Variants in JCAD observed in about 807,000 individuals in gnomAD.
JCAD encodes the protein junctional cadherin 5 associated.
In JCAD, 40 loss-of-function variants were observed where a neutral mutation model predicts 98.0. The ratio of observed to expected loss-of-function variants is 0.41; its 90% CI spans 0.32 to 0.53. The LOEUF is 0.53. JCAD is among the 20% of genes least tolerant of loss of function. The pLI is 0.31. For synonymous variants in JCAD, 691 were observed against 682.3 expected, an observed-to-expected ratio of 1.01 and a Z score of -0.20; for missense variants, 1,705 against 1,738.1, an observed-to-expected ratio of 0.98 and a Z score of 0.34.
At chr10:30,102,326 C>T (rs1323362220) in intron 1 of JCAD, among the ~76,000 whole-genome samples, 1 of 151,936 alleles carries the variant, frequency 6.6e-6, no homozygotes, top group Non-Finnish European at 1.5e-5. Flanking sequence ...TGCTTACCAC[C>T]ATGTCCGGCT....
intron 2 of JCAD, among the ~76,000 whole-genome samples, chr10:30,042,050 C>T (rs552167602): frequency 3.2e-4 from 48 of 152,176 alleles, no homozygotes; most frequent in African/African-American, 1.0e-3. Flanking sequence ...TCCTGGACCA[C>T]GTCAGTGCCT....
At chr10:30,041,915 T>C (rs1198538059) in intron 2 of JCAD, among the ~76,000 whole-genome samples, 1 of 152,254 alleles carries the variant, frequency 6.6e-6, no homozygotes, top group East Asian at 1.9e-4. Context: ...ATTTTAAGCA[T>C]GCAGTTTCCT....
In JCAD at chr10:30,029,074, C is replaced by T; in HGVS notation, c.1074G>A (p.Leu358=). ...SPPQNIPNPY[L]EDTVPINVCG... ...ACACATTTATGGGCACCGTGTCTTC[C>T]AAGTAGGGGTTTGGGATGTTCTGCG... Residue 358 remains leucine, a synonymous_variant, in exon 3 of 4, where the codon TTG becomes TTA. Coordinates refer to ENST00000375377, the MANE Select transcript of JCAD (RefSeq NM_020848.4). The T allele has an allele frequency of 1.9e-6, 3 of 1,614,080 alleles. No individual in the cohort carries two copies. The highest frequency in any genetic ancestry group is 1.7e-6 in the Non-Finnish European group (2 of 1,180,014).
intron 1 of JCAD, among the ~76,000 whole-genome samples, chr10:30,112,698 C>T (rs1269956906): frequency 6.6e-6 from 1 of 151,678 alleles, no homozygotes; most frequent in African/African-American, 2.4e-5. Context: ...ATGATGAAAC[C>T]CCATCTCTAT....
intron 2 of JCAD, among the ~76,000 whole-genome samples, chr10:30,037,934 TAAAAAAAAA>T (rs57504197): frequency 9.1e-6 from 1 of 109,330 alleles, no homozygotes; most frequent in African/African-American, 3.4e-5. Context: ...ATGGAAAAAT[TAAAAAAAAA>T]AAAAAAAAAA....
chr10:30,105,403 A>C (rs1838556551), intron 1 of JCAD, among the ~76,000 whole-genome samples: 1 of 148,090 alleles, frequency 6.8e-6, no homozygotes, highest in South Asian at 2.1e-4. Context: ...TGCTCACTGC[A>C]ACCTCTGCTT....
chr10:30,041,005 G>A (rs981204932), intron 2 of JCAD, among the ~76,000 whole-genome samples: 6 of 152,036 alleles, frequency 3.9e-5, no homozygotes, highest in African/African-American at 1.2e-4. Flanking sequence ...TGAGGCCCTC[G>A]GCAGTGCTGC....
In JCAD at chr10:30,064,891, C is replaced by T. The variant is rs551838970; in HGVS notation, n.250+4809G>A. Among the ~76,000 whole-genome samples, 6 of 152,278 alleles carry T rather than the reference C, an allele frequency of 3.9e-5. No homozygotes were observed. The South Asian group carries it at 1.2e-3, about 32-fold the overall frequency. ...TTCACCATGTTGGTCAGGCTGGTCT[C>T]GAACTCCTGACCTCGTGATCCACCC... On this transcript the variant is annotated intron_variant and non_coding_transcript_variant, in intron 2 of 2. Coordinates refer to the JCAD transcript ENST00000465712.
chr10:30,082,969 G>A (rs538277122), intron 1 of JCAD, among the ~76,000 whole-genome samples: 2 of 151,830 alleles, frequency 1.3e-5, no homozygotes, highest in Non-Finnish European at 2.9e-5. Context: ...AGGAGGCAGA[G>A]GTTGCATTGA....
intron 2 of JCAD, among the ~76,000 whole-genome samples, chr10:30,065,796 C>T (rs1837775150): frequency 6.6e-6 from 1 of 152,168 alleles, no homozygotes; most frequent in Admixed American, 6.6e-5. Context: ...CCACCATGCC[C>T]AGCCCTGCAT....
chr10:30,106,224 A>G (rs1838577871), intron 1 of JCAD, among the ~76,000 whole-genome samples: 1 of 152,112 alleles, frequency 6.6e-6, no homozygotes, highest in Non-Finnish European at 1.5e-5. Context: ...GGAGTTCAAG[A>G]TCAGTCTGGG....
chr10:30,033,092 C>G (rs1837036646), intron 2 of JCAD, among the ~76,000 whole-genome samples: 1 of 152,208 alleles, frequency 6.6e-6, no homozygotes, highest in South Asian at 2.1e-4. Context: ...GATAAGAAAA[C>G]TGAGGCACAG....
chr10:30,014,393 G>T lies in JCAD; in HGVS notation c.*3490C>A, dbSNP rs1056611151. The stretch of plus-strand genomic sequence containing the variant: ...TAAAGTAATTGCTTCTAAGAACTTA[G>T]GACATGGGAAATGTTTCTCTAAGCT... On this transcript the variant is annotated 3_prime_UTR_variant, in exon 4 of 4. Transcript: ENST00000375377. The T allele has an allele frequency of 3.3e-5, 5 of 152,140 alleles. No homozygotes were observed. Among genetic ancestry groups the T allele is most frequent in the Non-Finnish European group, 5.9e-5 (4 of 68,024 alleles). 9.4% of individuals were successfully genotyped at this position (152,140 alleles called of 1,614,324 possible).
At chr10:30,075,070 A>G (rs1837959126) in intron 1 of JCAD, among the ~76,000 whole-genome samples, 2 of 152,234 alleles carry the variant, frequency 1.3e-5, no homozygotes, top group African/African-American at 4.8e-5. Flanking sequence ...GATTACAGGC[A>G]TGAGCCACCA....
intron 1 of JCAD, among the ~76,000 whole-genome samples, chr10:30,078,008 T>C (rs1838009252): frequency 6.6e-6 from 1 of 152,224 alleles, no homozygotes. Flanking sequence ...ATAAGGACTG[T>C]ACCATTTCAC....
At chr10:30,053,452 C>G (rs1392117000) in intron 1 of JCAD, among the ~76,000 whole-genome samples, 1 of 151,344 alleles carries the variant, frequency 6.6e-6, no homozygotes, top group Admixed American at 6.6e-5. Flanking sequence ...TCCTAGCTAC[C>G]TAGTAGGCTG....
upstream of JCAD, among the ~76,000 whole-genome samples, chr10:30,062,850 C>A (rs1408865066): frequency 6.6e-6 from 1 of 152,120 alleles, no homozygotes; most frequent in Admixed American, 6.5e-5. Flanking sequence ...CTATTACAAC[C>A]CAAGGTGAGA....
chr10:30,021,473 T>A (rs1162450326), intron 3 of JCAD, among the ~76,000 whole-genome samples: 1 of 152,198 alleles, frequency 6.6e-6, no homozygotes, highest in East Asian at 1.9e-4. Flanking sequence ...ATTACAATCA[T>A]GAGCCGCCAT....
intron 1 of JCAD, among the ~76,000 whole-genome samples, chr10:30,050,425 C>T (rs551956887): frequency 6.6e-6 from 1 of 151,068 alleles, no homozygotes; most frequent in African/African-American, 2.4e-5. Context: ...GGTTCAACAT[C>T]ACACACAGGG....
Sources: allele counts gnomAD v4.1 joint callset (sites outside exome capture counted in the v4.1 genomes callset), GRCh38; gene constraint gnomAD v4.1.1; transcripts MANE v1.5; gene names NCBI Gene and HGNC (gene_info 2026-07-23, HGNC 2026-07-21).